The following CAPSL variants were observed in gnomAD, a reference collection of about 807,000 sequenced individuals.
CAPSL encodes the protein calcyphosine like.
In CAPSL, 17 loss-of-function variants were observed where a neutral mutation model predicts 21.3. That is an observed-to-expected ratio of 0.80 (90% CI 0.55 to 1.20). The LOEUF (loss-of-function observed/expected upper bound fraction) is 1.20, where lower values mean the gene tolerates loss of function less well. CAPSL is among the 50% of genes most tolerant of loss of function. CAPSL has a pLI of 0.00. For synonymous variants in CAPSL, 102 were observed against 89.3 expected (o/e 1.14, Z -0.80); for missense variants, 289 against 259.3 (o/e 1.11, Z -0.79).
At chr5:35,932,477 G>A (rs1371074819) in intron 1 of CAPSL, among the ~76,000 whole-genome samples, 1 of 152,156 alleles carries the variant, frequency 6.6e-6, no homozygotes, top group African/African-American at 2.4e-5. Context: ...AGCTCTTTCT[G>A]AAGTGGTTCC....
chr5:35,916,530 A>G (rs1361529313), intron 2 of CAPSL, among the ~76,000 whole-genome samples: 1 of 152,184 alleles, frequency 6.6e-6, no homozygotes, highest in African/African-American at 2.4e-5. Context: ...AGACCAATGG[A>G]ACAGAACAGA....
intron 4 of CAPSL, among the ~76,000 whole-genome samples, chr5:35,906,521 T>G (rs1760682878): frequency 6.6e-6 from 1 of 152,172 alleles, no homozygotes; most frequent in South Asian, 2.1e-4. Context: ...TCAGATGTGC[T>G]GGCTGAAGTT....
At chr5:35,930,274 G>A (rs1738787355) in intron 1 of CAPSL, among the ~76,000 whole-genome samples, 1 of 152,198 alleles carries the variant, frequency 6.6e-6, no homozygotes, top group African/African-American at 2.4e-5. Context: ...AGGCAGGTTT[G>A]TGTAGAGCCC....
chr5:35,935,709 G>A (rs1317906719), intron 1 of CAPSL, among the ~76,000 whole-genome samples: 1 of 151,816 alleles, frequency 6.6e-6, no homozygotes, highest in Non-Finnish European at 1.5e-5. Context: ...CTGACCTTAT[G>A]GTACCTCCAG....
intron 4 of CAPSL, 74 bp downstream of exon 4, chr5:35,909,792 A>T: frequency 8.4e-7 from 1 of 1,192,590 alleles, no homozygotes; most frequent in Non-Finnish European, 1.2e-6. Flanking sequence ...TAACATTTTT[A>T]AGAGTTTGGA....
intron 2 of CAPSL, 34 bp from the exon 3 acceptor site, chr5:35,910,577 T>A: frequency 6.7e-7 from 1 of 1,483,682 alleles, no homozygotes; most frequent in Non-Finnish European, 9.3e-7. Context: ...TCAGAAGAAA[T>A]GTACAAATAA....
At chr5:35,935,778 T>A (rs994907170) in intron 1 of CAPSL, among the ~76,000 whole-genome samples, 2 of 152,190 alleles carry the variant, frequency 1.3e-5, no homozygotes, top group African/African-American at 4.8e-5. Flanking sequence ...CTTCTGGATC[T>A]ACTTCCTTTC....
chr5:35,938,668 G>A (rs1005597750), upstream of CAPSL: 2 of 153,002 alleles, frequency 1.3e-5, no homozygotes, highest in Non-Finnish European at 2.9e-5. Flanking sequence ...TTCCTCAGGG[G>A]CCCTGGTCCA....
intron 2 of CAPSL, among the ~76,000 whole-genome samples, chr5:35,915,445 A>C (rs1738353482): frequency 6.6e-6 from 1 of 152,188 alleles, no homozygotes; most frequent in Admixed American, 6.5e-5. Flanking sequence ...GGTGAACATC[A>C]ATGCAAAAAT....
At position 35,920,713 on chromosome 5, in the gene CAPSL, A is replaced by G. The variant is rs546726122; in HGVS notation, c.137+271T>C. Among the ~76,000 whole-genome samples, 5 of 152,324 alleles carry G rather than the reference A, an allele frequency of 3.3e-5. No individual in the cohort carries two copies. In the East Asian group the frequency reaches 7.7e-4, roughly 24 times the overall value. On this transcript the variant is annotated intron_variant, in intron 2 of 4. Coordinates refer to ENST00000651391, the MANE Select transcript of CAPSL (RefSeq NM_001042625.2). ...TTGTCCTGGTAGGCATCTCCATGCCAGGGCACATGCTGCTTCTCCCTTTAC... is the reference window on the plus strand; with the variant it reads ...TTGTCCTGGTAGGCATCTCCATGCCGGGGCACATGCTGCTTCTCCCTTTAC...
chr5:35,936,123 GA>G (rs147851450), intron 1 of CAPSL, among the ~76,000 whole-genome samples: 18,252 of 151,984 alleles, frequency 0.12, 1,426 homozygotes, highest in Non-Finnish European at 0.18. Context: ...GAAAGACCCA[GA>G]AAAAAATGGA....
chr5:35,919,985 T>G (rs768848377), intron 2 of CAPSL, among the ~76,000 whole-genome samples: 1 of 152,048 alleles, frequency 6.6e-6, no homozygotes, highest in Non-Finnish European at 1.5e-5. Flanking sequence ...ATGAATGGGA[T>G]AGAGGTGGAA....
chr5:35,921,204 A>T, intron 1 of CAPSL, 84 bp from the exon 2 acceptor site: 1 of 1,493,956 alleles, frequency 6.7e-7, no homozygotes, highest in African/African-American at 1.4e-5. Context: ...CCTCACTGAG[A>T]AGGAAATTTA....
At chr5:35,926,337 G>A (rs148162402) in intron 1 of CAPSL, among the ~76,000 whole-genome samples, 71 of 152,306 alleles carry the variant, frequency 4.7e-4, no homozygotes, top group African/African-American at 1.6e-3. Context: ...GTGGCTGGCA[G>A]CAAGGGAGGA....
chr5:35,912,812 T>C (rs967872595), intron 2 of CAPSL, among the ~76,000 whole-genome samples: 44 of 152,114 alleles, frequency 2.9e-4, no homozygotes, highest in Non-Finnish European at 5.4e-4. Flanking sequence ...CCTCTCCTCC[T>C]CCAAAGGAGC....
At chr5:35,920,080 G>C (rs1269741048) in intron 2 of CAPSL, among the ~76,000 whole-genome samples, 1 of 152,120 alleles carries the variant, frequency 6.6e-6, no homozygotes, top group Admixed American at 6.5e-5. Context: ...CCCACTGCCT[G>C]GCCTTCTGAC....
chr5:35,925,998 C>T (rs528254194), intron 1 of CAPSL, among the ~76,000 whole-genome samples: 1 of 150,298 alleles, frequency 6.7e-6, no homozygotes, highest in South Asian at 2.1e-4. Flanking sequence ...ATCGCTTGAA[C>T]CCAGGAGACG....
intron 4 of CAPSL, among the ~76,000 whole-genome samples, chr5:35,907,876 C>A (rs894205757): frequency 1.3e-5 from 2 of 152,162 alleles, no homozygotes; most frequent in African/African-American, 4.8e-5. Flanking sequence ...GCTAATTATT[C>A]TTCTCATAAA....
intron 1 of CAPSL, among the ~76,000 whole-genome samples, chr5:35,925,528 G>C (rs1254070451): frequency 6.6e-6 from 1 of 152,090 alleles, no homozygotes; most frequent in African/African-American, 2.4e-5. Flanking sequence ...TGAAGATTCG[G>C]AGGAAGTAGG....
Sources: gnomAD v4.1 joint callset for allele counts (sites outside exome capture counted in the v4.1 genomes callset) on GRCh38, gnomAD v4.1.1 for gene constraint, MANE v1.5 for transcripts, NCBI Gene and HGNC (gene_info 2026-07-23, HGNC 2026-07-21) for gene names.